Variants in NCOR2 observed in about 807,000 individuals in gnomAD.
The protein encoded by NCOR2 is CTG repeat protein 26.
In NCOR2, 81 loss-of-function variants were observed where a neutral mutation model predicts 262.9. The ratio of observed to expected loss-of-function variants is 0.31; its 90% CI spans 0.26 to 0.37. NCOR2 has a LOEUF of 0.37. Among genes scored for constraint, NCOR2 ranks in the 10% least tolerant of loss-of-function variants. The pLI, the probability that NCOR2 is intolerant of heterozygous loss-of-function variation, is 1.00. For missense variants in NCOR2, 3,385 were observed against 3,621.4 expected, an observed-to-expected ratio of 0.93 and a Z score of 1.68; for synonymous variants, 1,659 against 1,559.3, an observed-to-expected ratio of 1.06 and a Z score of -1.51.
chr12:124,511,390 G>A (rs1337592330), intron 1 of NCOR2, among the ~76,000 whole-genome samples: 3 of 152,248 alleles, frequency 2.0e-5, no homozygotes, highest in African/African-American at 7.2e-5. Context: ...TGTGGCCTCT[G>A]CCAAGTAGCC....
chr12:124,434,744 C>T lies in NCOR2; in HGVS notation c.882+3186G>A, dbSNP rs369390516. Among the ~76,000 whole-genome samples, 298 of 152,240 alleles carry T rather than the reference C, an allele frequency of 2.0e-3. 2 individuals are homozygous for T. The highest frequency in any genetic ancestry group is 6.9e-3 in the African/African-American group (288 of 41,530). ...GTGAAAATGAGAGGATTTCCTTCCTCGCAGGAGACAGAGGGGGAGTATTTA... is the reference window on the plus strand; with the variant it reads ...GTGAAAATGAGAGGATTTCCTTCCTTGCAGGAGACAGAGGGGGAGTATTTA... On this transcript the variant is annotated intron_variant, in intron 8 of 46. Transcript: ENST00000405201.
intron 3 of NCOR2, among the ~76,000 whole-genome samples, chr12:124,473,580 T>C (rs1010065805): frequency 2.0e-5 from 3 of 152,072 alleles, no homozygotes; most frequent in East Asian, 1.9e-4. Flanking sequence ...CTCCCCTTTA[T>C]GTAATATATA....
intron 4 of NCOR2, among the ~76,000 whole-genome samples, chr12:124,466,943 C>A (rs949509300): frequency 2.6e-5 from 4 of 151,822 alleles, no homozygotes; most frequent in African/African-American, 9.7e-5. Flanking sequence ...AGGTGCTCCT[C>A]ATCAACCCCA....
chr12:124,327,303 A>G lies in NCOR2; in HGVS notation c.7183+106T>C, dbSNP rs904360376. Reference sequence around the variant, plus strand: ...AAACACGCACAAAAATAAAGTCACAAGCTCCAAAGCTCGAGGAGGGGGTTG... The same window carrying G: ...AAACACGCACAAAAATAAAGTCACAGGCTCCAAAGCTCGAGGAGGGGGTTG... On this transcript the variant is annotated intron_variant, in intron 45 of 46. Transcript: ENST00000405201. 9.7e-6 allele frequency: 9 copies of G among 926,182 alleles called. No homozygotes were observed. The Admixed American group carries it at 2.2e-4, about 22-fold the overall frequency. 57.4% of individuals were successfully genotyped at this position (926,182 alleles called of 1,614,324 possible).
At chr12:124,492,268 C>T (rs2048127417) in intron 1 of NCOR2, among the ~76,000 whole-genome samples, 1 of 152,212 alleles carries the variant, frequency 6.6e-6, no homozygotes, top group Non-Finnish European at 1.5e-5. Context: ...GACATTGCCA[C>T]CGATGCACAG....
Position 124,503,483 on chromosome 12 carries a change from A to ATGGATTGATGGAT in NCOR2, c.-117-8116_-117-8115insATCCATCAATCCA. On this transcript the variant is annotated intron_variant, in intron 1 of 46. Coordinates refer to the NCOR2 transcript ENST00000404621. The surrounding 1 kb of genome is among the most constrained non-coding windows in gnomAD (Gnocchi z 4.3). ...CATGGACTGATGGATGGATGGATGG[A>ATGGATTGATGGAT]TGATGGATTGATGGATGGATGGATG... 6.6e-6 allele frequency among the ~76,000 whole-genome samples: 1 copy of ATGGATTGATGGAT among 151,424 alleles called. No individual in the cohort carries two copies. Among genetic ancestry groups the ATGGATTGATGGAT allele is most frequent in the African/African-American group, 2.4e-5 (1 of 41,084 alleles).
intron 2 of NCOR2, among the ~76,000 whole-genome samples, chr12:124,484,634 C>T (rs1204622999): frequency 6.6e-6 from 1 of 152,224 alleles, no homozygotes; most frequent in Non-Finnish European, 1.5e-5. Context: ...TTTGCACCTG[C>T]TGGGCTCTGC....
intron 5 of NCOR2, among the ~76,000 whole-genome samples, chr12:124,460,939 T>C (rs919012709): frequency 6.6e-6 from 1 of 152,246 alleles, no homozygotes; most frequent in African/African-American, 2.4e-5. Context: ...AGCTCCTGTC[T>C]GCATCTTCCC....
In NCOR2 at chr12:124,356,542, C is replaced by T. The variant is rs558635594; in HGVS notation, c.3241+100G>A. 3.5e-4 allele frequency: 383 copies of T among 1,096,366 alleles called. 1 individual carries two copies. The African/African-American group carries it at 4.6e-3, about 13-fold the overall frequency. The allele number at this position is 1,096,366 out of a possible 1,614,324, so 67.9% of individuals were successfully genotyped here. A position where few individuals can be genotyped will look rare whatever the true frequency, so the allele number is the denominator to read the frequency against. ...GTTCCTCCAGCCAGGTCCCATAAGG[C>T]TTTAAGATGCTTCTGTGTGCAGCTC... is the stretch of plus-strand genomic sequence containing the variant. On this transcript the variant is annotated intron_variant, in intron 23 of 46. Coordinates refer to ENST00000405201, the Ensembl canonical transcript of NCOR2.
At position 124,566,644 on chromosome 12, in the gene NCOR2, G is replaced by A. The variant is rs907869506; in HGVS notation, c.-165+664C>T. 6.6e-6 allele frequency among the ~76,000 whole-genome samples: 1 copy of A among 152,222 alleles called. No homozygotes were observed. The highest frequency in any genetic ancestry group is 2.4e-5 in the African/African-American group (1 of 41,456). ...GGCATCCCAAGTATCCGCACAGCCCGGGGGAGGGACTAGGAGGCGGCCCAA... is the reference window on the plus strand; with the variant it reads ...GGCATCCCAAGTATCCGCACAGCCCAGGGGAGGGACTAGGAGGCGGCCCAA... On this transcript the variant is annotated intron_variant, in intron 1 of 32. Transcript: ENST00000458234. This position sits in a 1 kb window ranked among gnomAD's most constrained non-coding sequence, Gnocchi z 4.3.
At chr12:124,339,216 A>G (rs1227266715) in intron 37 of NCOR2, among the ~76,000 whole-genome samples, 1 of 74,614 alleles carries the variant, frequency 1.3e-5, no homozygotes, top group Non-Finnish European at 2.7e-5. Flanking sequence ...CGATCTACCT[A>G]CCACCCACCC....
At position 124,440,662 on chromosome 12, in the gene NCOR2, C is replaced by T. The variant is rs2044753323; in HGVS notation, c.816-2666G>A. 6.6e-6 allele frequency among the ~76,000 whole-genome samples: 1 copy of T among 152,234 alleles called. No homozygotes were observed. The highest frequency in any genetic ancestry group is 2.4e-5 in the African/African-American group (1 of 41,460). On this transcript the variant is annotated intron_variant, in intron 7 of 46. Coordinates refer to ENST00000405201, the Ensembl canonical transcript of NCOR2. This position sits in a 1 kb window ranked among gnomAD's most constrained non-coding sequence, Gnocchi z 5.7. ...GCAGGGAGCAAGACACAGTTGAGGGCTCTCACAGAGGTGACACTGACAATA... is the reference window on the plus strand; with the variant it reads ...GCAGGGAGCAAGACACAGTTGAGGGTTCTCACAGAGGTGACACTGACAATA...
At chr12:124,462,563 G>A (rs117633461) in intron 5 of NCOR2, among the ~76,000 whole-genome samples, 1 of 152,248 alleles carries the variant, frequency 6.6e-6, no homozygotes, top group Non-Finnish European at 1.5e-5. Context: ...CGGACAATCT[G>A]AAAGAACCCC....
In NCOR2 at chr12:124,388,753, G is replaced by A. The variant is rs1233348498; in HGVS notation, c.1877-2866C>T. The A allele has an allele frequency of 9.2e-6, 12 of 1,304,128 alleles. No individual in the cohort carries two copies. The South Asian group carries it at 1.4e-4, about 15-fold the overall frequency. 80.8% of individuals were successfully genotyped at this position (1,304,128 alleles called of 1,614,324 possible). A position where few individuals can be genotyped will look rare whatever the true frequency, so the allele number is the denominator to read the frequency against. On this transcript the variant is annotated intron_variant, in intron 16 of 46. Coordinates refer to ENST00000405201, the Ensembl canonical transcript of NCOR2. The stretch of plus-strand genomic sequence containing the variant: ...CATAGGGCTGGGAAGATGCCCCAGG[G>A]AGCGGGCCGAAGTGGGCCGGCAGGC...
intron 37 of NCOR2, among the ~76,000 whole-genome samples, chr12:124,339,079 A>C (rs1331618554): frequency 1.4e-5 from 2 of 142,390 alleles, no homozygotes; most frequent in Admixed American, 7.1e-5. Flanking sequence ...CCACATGGCT[A>C]ATCTGGCCAT....
chr12:124,550,686 C>A (rs1291559288), intron 1 of NCOR2, among the ~76,000 whole-genome samples: 6 of 152,192 alleles, frequency 3.9e-5, no homozygotes, highest in Non-Finnish European at 7.3e-5. Context: ...CAAAAACAGT[C>A]TTTTATGTAA....
upstream of NCOR2, among the ~76,000 whole-genome samples, chr12:124,495,645 C>T (rs184425626): frequency 1.3e-3 from 202 of 152,304 alleles, 2 homozygotes; most frequent in African/African-American, 4.5e-3. The surrounding 1 kb of genome is among the most constrained non-coding windows in gnomAD (Gnocchi z 4.4). Flanking sequence ...AGGGACTCTG[C>T]GCTGCCCTCA....
chr12:124,354,603 C>A (rs752770586), intron 25 of NCOR2, 21 bp from the exon 28 acceptor site: 2 of 1,522,800 alleles, frequency 1.3e-6, no homozygotes, highest in Admixed American at 2.2e-5. Flanking sequence ...GTAAGAGGAG[C>A]GAGTCACGTG....
rs941973467 is a variant in NCOR2, at chr12:124,395,838, C to T, written c.1876+2281G>A. On this transcript the variant is annotated intron_variant, in intron 16 of 46. Transcript: ENST00000405201. ...GATGGGTGGGTGCTCTGGGAAATCTCCCAGCCAACAGGCTGAGATCCCAGG... is the reference window on the plus strand; with the variant it reads ...GATGGGTGGGTGCTCTGGGAAATCTTCCAGCCAACAGGCTGAGATCCCAGG... Among the ~76,000 whole-genome samples, 6 of 152,126 alleles carry T rather than the reference C, an allele frequency of 3.9e-5. No homozygotes were observed. The South Asian group carries it at 6.2e-4, about 16-fold the overall frequency.
Sources: allele counts gnomAD v4.1 joint callset (sites outside exome capture counted in the v4.1 genomes callset), GRCh38; gene constraint gnomAD v4.1.1; non-coding constraint Gnocchi (gnomAD v3.1); transcripts MANE v1.5; gene names NCBI Gene and HGNC (gene_info 2026-07-23, HGNC 2026-07-21).